Variants in HORMAD2 observed in about 807,000 individuals in gnomAD.
The protein encoded by HORMAD2 is HORMA domain containing 2.
Under a neutral mutation model 38.8 loss-of-function variants are expected in HORMAD2, and 45 were observed. That is an observed-to-expected ratio of 1.16 (90% CI 0.91 to 1.49). The LOEUF is 1.49. Ranked by LOEUF, HORMAD2 falls within the 40% of genes most tolerant of loss-of-function variation. The pLI, the probability that HORMAD2 is intolerant of heterozygous loss-of-function variation, is 0.00. For synonymous variants in HORMAD2, 126 were observed against 122.8 expected (o/e 1.03, Z -0.17); for missense variants, 338 against 367.0 (o/e 0.92, Z 0.65).
At chr22:30,148,537 A>C (rs1211726126) in intron 10 of HORMAD2, among the ~76,000 whole-genome samples, 1 of 152,186 alleles carries the variant, frequency 6.6e-6, no homozygotes, top group Non-Finnish European at 1.5e-5. Context: ...GTTTCATGTA[A>C]AGTTTGCCTT....
chr22:30,166,079 CT>C (rs1431452816), intron 10 of HORMAD2, among the ~76,000 whole-genome samples: 1 of 150,766 alleles, frequency 6.6e-6, no homozygotes, highest in South Asian at 2.1e-4. Flanking sequence ...TATATTTTCT[CT>C]TTCAGATGAC....
chr22:30,168,947 C>G (rs1319378911), intron 10 of HORMAD2, among the ~76,000 whole-genome samples: 1 of 152,166 alleles, frequency 6.6e-6, no homozygotes, highest in East Asian at 1.9e-4. Flanking sequence ...TAAAGAATGA[C>G]ATTGTCTGAC....
intron 10 of HORMAD2, among the ~76,000 whole-genome samples, chr22:30,149,452 T>C (rs974780610): frequency 6.6e-6 from 1 of 152,238 alleles, no homozygotes; most frequent in Non-Finnish European, 1.5e-5. Context: ...ATATAGAACA[T>C]TCCCATCATC....
At chr22:30,101,267 G>A (rs1224762035) in intron 3 of HORMAD2, among the ~76,000 whole-genome samples, 1 of 152,092 alleles carries the variant, frequency 6.6e-6, no homozygotes, top group Non-Finnish European at 1.5e-5. Context: ...AAAATAATTA[G>A]TTCATGTCCT....
downstream of HORMAD2, among the ~76,000 whole-genome samples, chr22:30,177,362 G>A (rs758218052): frequency 1.3e-5 from 2 of 152,196 alleles, no homozygotes; most frequent in East Asian, 1.9e-4. Flanking sequence ...TGCCTGTTCA[G>A]CACTGCCCCT....
chr22:30,140,221 G>A (rs747408304), intron 10 of HORMAD2, among the ~76,000 whole-genome samples: 9 of 152,034 alleles, frequency 5.9e-5, no homozygotes, highest in Admixed American at 1.3e-4. Context: ...CTGAGATAGC[G>A]CCAGTGCACT....
intron 10 of HORMAD2, among the ~76,000 whole-genome samples, chr22:30,149,235 C>T (rs1924602651): frequency 6.6e-6 from 1 of 152,128 alleles, no homozygotes; most frequent in African/African-American, 2.4e-5. Flanking sequence ...TTCATTGGCT[C>T]AGTTTTCTCT....
chr22:30,146,422 G>A (rs547038663), intron 10 of HORMAD2, among the ~76,000 whole-genome samples: 2 of 152,270 alleles, frequency 1.3e-5, no homozygotes, highest in African/African-American at 2.4e-5. Flanking sequence ...TTGAACCCAG[G>A]AGGCAGAGGT....
At chr22:30,146,032 A>T (rs1428492883) in intron 10 of HORMAD2, among the ~76,000 whole-genome samples, 2 of 152,256 alleles carry the variant, frequency 1.3e-5, no homozygotes, top group Admixed American at 6.5e-5. Context: ...ATAATGTGTC[A>T]TGACTAATGT....
chr22:30,122,022 G>A lies in HORMAD2; in HGVS notation c.627G>A (p.Leu209=). The A allele has an allele frequency of 6.2e-7, 1 of 1,613,058 alleles. No homozygotes were observed. Among genetic ancestry groups the A allele is most frequent in the South Asian group, 1.1e-5 (1 of 90,912 alleles). ...AAGAAGGGGTAAATTCACACTTCCT[G>A]CTGTTTGACAAGGAGCCTATCAACG... ...GFKEGVNSHF[L]LFDKEPINVQ... is the part of the protein sequence containing the mutation. Residue 209 remains leucine, a synonymous_variant, in exon 10 of 11, where the codon CTG becomes CTA. Coordinates refer to ENST00000336726, the MANE Select transcript of HORMAD2 (RefSeq NM_152510.4).
At chr22:30,100,686 T>G (rs1317512620) in intron 3 of HORMAD2, among the ~76,000 whole-genome samples, 1 of 152,180 alleles carries the variant, frequency 6.6e-6, no homozygotes, top group East Asian at 1.9e-4. Context: ...AATCTATCCA[T>G]CTGACAAAGG....
At chr22:30,088,090 T>C (rs572381432) in intron 1 of HORMAD2, among the ~76,000 whole-genome samples, 47 of 151,434 alleles carry the variant, frequency 3.1e-4, no homozygotes, top group Non-Finnish European at 5.3e-4. Context: ...CGTGTACATA[T>C]ACACACACGT....
chr22:30,166,371 G>T (rs916799448), intron 10 of HORMAD2, among the ~76,000 whole-genome samples: 3 of 152,130 alleles, frequency 2.0e-5, no homozygotes, highest in Admixed American at 2.0e-4. Flanking sequence ...ATGTCAAATA[G>T]GTAGCCACTT....
intron 1 of HORMAD2, among the ~76,000 whole-genome samples, chr22:30,092,307 T>C (rs2068703675): frequency 6.6e-6 from 1 of 151,844 alleles, no homozygotes; most frequent in Non-Finnish European, 1.5e-5. Flanking sequence ...TAGCCATTTG[T>C]ATGCCTTCTT....
chr22:30,196,691 G>T, the HORMAD2 span, among the ~76,000 whole-genome samples: 1 of 152,190 alleles, frequency 6.6e-6, no homozygotes, highest in Admixed American at 6.5e-5. Flanking sequence ...CACTTTGTTT[G>T]TGAAAAGTCT....
the HORMAD2 span, among the ~76,000 whole-genome samples, chr22:30,201,412 C>CTTT: frequency 9.9e-5 from 12 of 121,060 alleles, 1 homozygote; most frequent in East Asian, 2.3e-4. Context: ...AGAGTTAAGA[C>CTTT]TTTTTTTTTT....
At chr22:30,134,651 G>A (rs957243250) in intron 10 of HORMAD2, among the ~76,000 whole-genome samples, 17 of 151,018 alleles carry the variant, frequency 1.1e-4, no homozygotes, top group Admixed American at 2.6e-4. Context: ...TTTGTTACAA[G>A]CATAATCTCG....
intron 10 of HORMAD2, among the ~76,000 whole-genome samples, chr22:30,149,711 G>C (rs966333742): frequency 6.6e-6 from 1 of 152,090 alleles, no homozygotes; most frequent in Admixed American, 6.6e-5. Flanking sequence ...CATTTTAGTG[G>C]AGCACATCCT....
chr22:30,127,435 C>G (rs1922960232), intron 10 of HORMAD2, among the ~76,000 whole-genome samples: 1 of 152,066 alleles, frequency 6.6e-6, no homozygotes, highest in East Asian at 1.9e-4. Context: ...TCTCGAACTC[C>G]TGACTTCGTG....
Sources: gnomAD v4.1 joint callset for allele counts (sites outside exome capture counted in the v4.1 genomes callset) on GRCh38, gnomAD v4.1.1 for gene constraint, MANE v1.5 for transcripts, NCBI Gene and HGNC (gene_info 2026-07-23, HGNC 2026-07-21) for gene names.